The following SCNN1G variants were observed in gnomAD, a reference collection of about 807,000 sequenced individuals.
SCNN1G encodes epithelial sodium channel subunit gamma.
In SCNN1G, 27 loss-of-function variants were observed where a neutral mutation model predicts 64.6. That is an observed-to-expected ratio of 0.42 (90% CI 0.31 to 0.58). The LOEUF (loss-of-function observed/expected upper bound fraction) is 0.58. Ranked by LOEUF, SCNN1G falls within the 20% of genes least tolerant of loss-of-function variation. The pLI is 0.18. For synonymous variants in SCNN1G, 330 were observed against 314.2 expected, an observed-to-expected ratio of 1.05 and a Z score of -0.53; for missense variants, 743 against 823.4, an observed-to-expected ratio of 0.90 and a Z score of 1.19.
At position 23,194,788 on chromosome 16, in the gene SCNN1G, C is replaced by G. The variant is rs905672133; in HGVS notation, c.913+514C>G. 3 of 179,984 alleles carry G rather than the reference C, an allele frequency of 1.7e-5. No homozygotes were observed. The South Asian group carries it at 3.7e-4, about 22-fold the overall frequency. 11.1% of individuals were successfully genotyped at this position (179,984 alleles called of 1,614,324 possible). ...CTCCCATGTGAGATTACTGACAGGA[C>G]TTAAGATACAGACTTAGAATAAGAC... On this transcript the variant is annotated intron_variant, in intron 5 of 12. Transcript: ENST00000300061.
rs769079157 is a variant in SCNN1G, at chr16:23,215,179, T to C, written c.1660T>C (p.Phe554Leu). The change falls in exon 13 of 13, where the codon TTC (phenylalanine) becomes CTC (leucine). Residue 554 changes from phenylalanine (F) to leucine (L), a missense_variant. Physicochemically the swap from Phe to Leu is conservative, Grantham distance 22. Coordinates refer to ENST00000300061, the MANE Select transcript of SCNN1G (RefSeq NM_001039.4). ...CGTCATCGAGATCATCGAGGTCTTC[T>C]TCATTGACTTCTTCTCTATCATTGC... ...VCVIEIIEVFFIDFFSIIARR... is the reference protein window; with the variant it reads ...VCVIEIIEVFLIDFFSIIARR... The C allele has an allele frequency of 1.9e-6, 3 of 1,614,148 alleles. No individual in the cohort carries two copies. Among genetic ancestry groups the C allele is most frequent in the Non-Finnish European group, 1.7e-6 (2 of 1,180,026 alleles).
At chr16:23,212,284 G>C (rs1186931568) in intron 8 of SCNN1G, 133 bp downstream of exon 8, 1 of 726,988 alleles carries the variant, frequency 1.4e-6, no homozygotes, top group African/African-American at 1.7e-5. Context: ...CCATTAACTA[G>C]AGTTTTACTT....
chr16:23,197,116 G>A, intron 5 of SCNN1G, 148 bp from the exon 6 acceptor site: 1 of 712,228 alleles, frequency 1.4e-6, no homozygotes, highest in South Asian at 1.6e-5. Flanking sequence ...CAATCTCACG[G>A]AGCTTCCAGT....
chr16:23,198,989 G>A (rs564038830), intron 6 of SCNN1G, among the ~76,000 whole-genome samples: 1 of 151,998 alleles, frequency 6.6e-6, no homozygotes, highest in South Asian at 2.1e-4. Flanking sequence ...AGGAGTTCAA[G>A]ACCCAGCTTG....
chr16:23,212,975 G>A, intron 10 of SCNN1G, 81 bp downstream of exon 10: 2 of 1,535,578 alleles, frequency 1.3e-6, no homozygotes, highest in South Asian at 1.1e-5. Flanking sequence ...CCTCTGGCCT[G>A]GGACATGGTC....
At position 23,199,643 on chromosome 16, in the gene SCNN1G, T is replaced by TTTTTC. The variant is rs1567265792; in HGVS notation, c.1077+2236_1077+2240dup. On this transcript the variant is annotated intron_variant, in intron 6 of 12. Coordinates refer to ENST00000300061, the MANE Select transcript of SCNN1G (RefSeq NM_001039.4). ...TTAATTTCATTCTTTCATAATGATG[T>TTTTTC]TTTTCTTTTCTTTTCTTTTCTTTTT... 1.6e-3 allele frequency among the ~76,000 whole-genome samples: 235 copies of TTTTTC among 149,960 alleles called. 1 individual carries two copies. The highest frequency in any genetic ancestry group is 4.4e-3 in the African/African-American group (177 of 40,396).
At chr16:23,215,044 T>C in intron 12 of SCNN1G, 45 bp from the exon 13 acceptor site, 1 of 1,612,844 alleles carries the variant, frequency 6.2e-7, no homozygotes, top group Non-Finnish European at 8.5e-7. Context: ...GAGGCCAACT[T>C]GGGGGGAGGT....
chr16:23,189,289 G>A (rs1445164411), intron 2 of SCNN1G, 82 bp from the exon 3 acceptor site: 4 of 1,421,230 alleles, frequency 2.8e-6, no homozygotes, highest in Non-Finnish European at 3.9e-6. Context: ...GACACGTGTT[G>A]ATGGAAAACA....
intron 6 of SCNN1G, among the ~76,000 whole-genome samples, chr16:23,200,829 C>A (rs1385564059): frequency 6.6e-6 from 1 of 152,092 alleles, no homozygotes; most frequent in Non-Finnish European, 1.5e-5. Flanking sequence ...GCTGAGACAG[C>A]GAGATGATGA....
intron 3 of SCNN1G, among the ~76,000 whole-genome samples, chr16:23,189,903 T>C (rs886785418): frequency 6.6e-6 from 1 of 152,094 alleles, no homozygotes; most frequent in Non-Finnish European, 1.5e-5. Flanking sequence ...AAAACCCATC[T>C]CCACTAAAAT....
chr16:23,208,932 G>A (rs776563899), intron 6 of SCNN1G, among the ~76,000 whole-genome samples: 7 of 151,772 alleles, frequency 4.6e-5, no homozygotes, highest in South Asian at 2.1e-4. Flanking sequence ...CTCCTCCCAC[G>A]TCCCAGTGGA....
At chr16:23,196,701 C>T (rs543943253) in intron 5 of SCNN1G, among the ~76,000 whole-genome samples, 4 of 152,286 alleles carry the variant, frequency 2.6e-5, no homozygotes, top group East Asian at 1.9e-4. Context: ...AGGTCACAGC[C>T]GATCCATGGC....
chr16:23,207,353 G>C (rs375453464), intron 6 of SCNN1G, among the ~76,000 whole-genome samples: 2 of 152,186 alleles, frequency 1.3e-5, no homozygotes, highest in Non-Finnish European at 2.9e-5. Context: ...CAGCAGGACC[G>C]GGGGGACCAA....
At chr16:23,209,597 T>C (rs1053104571) in intron 6 of SCNN1G, among the ~76,000 whole-genome samples, 153 bp from the exon 7 acceptor site, 4 of 152,198 alleles carry the variant, frequency 2.6e-5, no homozygotes, top group Non-Finnish European at 5.9e-5. Context: ...AGGCACCTAA[T>C]AGGTTCTCAC....
At position 23,215,633 on chromosome 16, in the gene SCNN1G, A is replaced by T; in HGVS notation, c.*164A>T. On this transcript the variant is annotated 3_prime_UTR_variant, in exon 13 of 13. Transcript: ENST00000300061. ...TTAAACCGCAAGATGGGGCCTGGGC[A>T]TGCGCAGGAGGAGCCATCGGGTACT... 1.3e-6 allele frequency: 1 copy of T among 751,408 alleles called. No individual in the cohort carries two copies. The highest frequency in any genetic ancestry group is 1.6e-5 in the South Asian group (1 of 61,720). The allele number at this position is 751,408 out of a possible 1,614,324, so 46.5% of individuals were successfully genotyped here. A position where few individuals can be genotyped will look rare whatever the true frequency, so the allele number is the denominator to read the frequency against.
At chr16:23,203,955 A>G (rs994237972) in intron 6 of SCNN1G, among the ~76,000 whole-genome samples, 5 of 151,552 alleles carry the variant, frequency 3.3e-5, no homozygotes, top group Non-Finnish European at 5.9e-5. Context: ...ACGCTTGGAA[A>G]TGTGTTTGGC....
At chr16:23,194,101 A>C in intron 4 of SCNN1G, 70 bp from the exon 5 acceptor site, 4 of 1,026,160 alleles carry the variant, frequency 3.9e-6, no homozygotes, top group Non-Finnish European at 6.2e-6. Context: ...CTCCATTAGC[A>C]CTGCCCTGCC....
At chr16:23,201,853 C>T (rs181996137) in intron 6 of SCNN1G, among the ~76,000 whole-genome samples, 1 of 152,300 alleles carries the variant, frequency 6.6e-6, no homozygotes, top group Admixed American at 6.5e-5. Context: ...CTCTGTCATC[C>T]AGCTGGAGTG....
chr16:23,189,132 T>A lies in SCNN1G; in HGVS notation c.318-239T>A, dbSNP rs72646493. 0.059 allele frequency among the ~76,000 whole-genome samples: 8,943 copies of A among 152,182 alleles called. 345 individuals carry two copies. The highest frequency in any genetic ancestry group is 0.074 in the Non-Finnish European group (5,027 of 67,998). On this transcript the variant is annotated intron_variant, in intron 2 of 12. Coordinates refer to ENST00000300061, the MANE Select transcript of SCNN1G (RefSeq NM_001039.4). The stretch of plus-strand genomic sequence containing the variant: ...CACCCTGAGGGCAAGCAGACAGTGG[T>A]GGCAGAGGTGAAGCCACAGGAAGTC...
Sources: allele counts gnomAD v4.1 joint callset (sites outside exome capture counted in the v4.1 genomes callset), GRCh38; gene constraint gnomAD v4.1.1; transcripts MANE v1.5; gene names NCBI Gene and HGNC (gene_info 2026-07-23, HGNC 2026-07-21).